ZNF483: variants seen among roughly 807,000 people sequenced by gnomAD.
The protein encoded by ZNF483 is zinc finger protein 483, also known as zinc finger protein HIT-10.
A neutral mutation model predicts 28.6 loss-of-function variants in ZNF483; 9 were observed. The ratio of observed to expected loss-of-function variants is 0.32; its 90% CI spans 0.19 to 0.55. The LOEUF (loss-of-function observed/expected upper bound fraction) is 0.55. Ranked by LOEUF, ZNF483 falls within the 20% of genes least tolerant of loss-of-function variation. The pLI, the probability that ZNF483 is intolerant of heterozygous loss-of-function variation, is 0.93. For synonymous variants in ZNF483, 322 were observed against 306.2 expected, an observed-to-expected ratio of 1.05 and a Z score of -0.54; for missense variants, 675 against 871.7, an observed-to-expected ratio of 0.77 and a Z score of 2.84.
At position 111,527,577 on chromosome 9, in the gene ZNF483, C is replaced by T; in HGVS notation, c.182C>T (p.Ser61Leu). 1 of 1,614,210 alleles carries T rather than the reference C, an allele frequency of 6.2e-7. No individual in the cohort carries two copies. Among genetic ancestry groups the T allele is most frequent in the African/African-American group, 1.3e-5 (1 of 75,058 alleles). Residue 61 changes from serine to leucine, a missense_variant, in exon 2 of 6, where the codon TCA (serine) becomes TTA (leucine). Physicochemically the swap from Ser to Leu is moderately radical, Grantham distance 145. Coordinates refer to ENST00000309235, the MANE Select transcript of ZNF483 (RefSeq NM_133464.5). Reference sequence around the variant, plus strand: ...CAGAGGTTTAGGTGGTTTTGTTACTCAGAAGTAGCTGGACCCAGGAAAGCT... The same window carrying T: ...CAGAGGTTTAGGTGGTTTTGTTACTTAGAAGTAGCTGGACCCAGGAAAGCT... ...FRQRFRWFCY[S>L]EVAGPRKALS...
chr9:111,527,864 A>G, intron 2 of ZNF483, 57 bp downstream of exon 2: 1 of 1,613,684 alleles, frequency 6.2e-7, no homozygotes. Flanking sequence ...GTCCGAAAGT[A>G]AATTCCTCAA....
At position 111,542,171 on chromosome 9, in the gene ZNF483, G is replaced by A; in HGVS notation, c.1236G>A (p.Met412Ile). ...RSTLSRRKTP[M>I]CEKCRKDSCQ... The stretch of plus-strand genomic sequence containing the variant: ...CTCTTTCTAGGAGAAAAACCCCTAT[G>A]TGTGAGAAATGTCGGAAAGATTCAT... The change falls in exon 6 of 6, where the codon ATG (methionine) becomes ATA (isoleucine). Residue 412 changes from methionine to isoleucine, a missense_variant. Physicochemically the swap from Met to Ile is conservative, Grantham distance 10. Coordinates refer to ENST00000309235, the MANE Select transcript of ZNF483 (RefSeq NM_133464.5). This position sits in a 1 kb window ranked among gnomAD's most constrained non-coding sequence, Gnocchi z 6.2. 3 of 1,614,052 alleles carry A rather than the reference G, an allele frequency of 1.9e-6. No individual in the cohort carries two copies. Among genetic ancestry groups the A allele is most frequent in the Non-Finnish European group, 2.5e-6 (3 of 1,180,020 alleles).
rs1470137176 is a variant in ZNF483 at position 111,533,743 on chromosome 9, C to T, written c.506C>T (p.Ser169Phe). Residue 169 changes from serine (S) to phenylalanine (F), a missense_variant, in exon 4 of 6, where the codon TCT (serine) becomes TTT (phenylalanine). This residue lies in a region of ZNF483 where 525 missense variants were observed against 581.8 expected (regional missense o/e 0.90). Transcript: ENST00000309235. ...AAGAGCTGTTTGGTGTTCTAGGAAT[C>T]TATAACATTGAAGGATGTAGCTGTG... ...TVCPNTESCE[S>F]ITLKDVAVNF... is the part of the protein sequence containing the mutation. The T allele has an allele frequency of 1.9e-6, 3 of 1,562,042 alleles. No homozygotes were observed. The highest frequency in any genetic ancestry group is 2.6e-6 in the Non-Finnish European group (3 of 1,164,330).
At chr9:111,541,187 T>C (rs1017678241) in intron 5 of ZNF483, among the ~76,000 whole-genome samples, 1 of 151,654 alleles carries the variant, frequency 6.6e-6, no homozygotes, top group African/African-American at 2.4e-5. Flanking sequence ...CCTCCTGGGT[T>C]CAAGTGATTC....
intron 5 of ZNF483, among the ~76,000 whole-genome samples, chr9:111,561,104 T>TAGAGAGAGAGAGAG (rs1465441902): frequency 7.2e-4 from 19 of 26,380 alleles, no homozygotes; most frequent in Non-Finnish European, 1.0e-3. Context: ...TATATATATA[T>TAGAGAGAGAGAGAG]ATATATAGAG....
At chr9:111,561,084 A>AATATATAT (rs368827456) in intron 5 of ZNF483, among the ~76,000 whole-genome samples, 21 of 20,346 alleles carry the variant, frequency 1.0e-3, no homozygotes, top group African/African-American at 1.2e-3. Context: ...CTCCATCTAA[A>AATATATAT]ATATATATAT....
intron 5 of ZNF483, chr9:111,563,277 CAAT>C: frequency 2.6e-6 from 4 of 1,542,848 alleles, no homozygotes; most frequent in Non-Finnish European, 3.5e-6. Context: ...TTAATATTCT[CAAT>C]GATATACTGT....
At chr9:111,566,271 A>T (rs1245459185) in intron 5 of ZNF483, among the ~76,000 whole-genome samples, 1 of 152,234 alleles carries the variant, frequency 6.6e-6, no homozygotes, top group Non-Finnish European at 1.5e-5. Flanking sequence ...TGTTAGAGGG[A>T]AGCACTGGGG....
At chr9:111,561,732 C>T (rs1828328977) in intron 5 of ZNF483, among the ~76,000 whole-genome samples, 1 of 152,182 alleles carries the variant, frequency 6.6e-6, no homozygotes, top group Non-Finnish European at 1.5e-5. Flanking sequence ...GGCCCTAAGA[C>T]CCCTATATGC....
chr9:111,542,080 A>C lies in ZNF483; in HGVS notation c.1145A>C (p.Lys382Thr), dbSNP rs755268739. ...SALTEHQKRQ[K>T]IHLGDRSQKC... is the part of the protein sequence containing the mutation. The stretch of plus-strand genomic sequence containing the variant: ...CTTACTGAACATCAGAAACGTCAGA[A>C]GATTCATTTGGGGGATAGGTCCCAA... The change falls in exon 6 of 6, where the codon AAG becomes ACG. Residue 382 changes from lysine (K) to threonine (T), a missense_variant. Around this residue, in one of 6 missense-constraint regions of ZNF483, gnomAD observed 525 missense variants for 581.8 expected, o/e 0.90. Coordinates refer to ENST00000309235, the MANE Select transcript of ZNF483 (RefSeq NM_133464.5). The surrounding 1 kb of genome is among the most constrained non-coding windows in gnomAD (Gnocchi z 6.2). 1 of 1,614,172 alleles carries C rather than the reference A, an allele frequency of 6.2e-7. No individual in the cohort carries two copies. The highest frequency in any genetic ancestry group is 2.2e-5 in the East Asian group (1 of 44,884).
intron 5 of ZNF483, chr9:111,563,770 T>G (rs560098589): frequency 6.5e-6 from 1 of 152,780 alleles, no homozygotes; most frequent in Non-Finnish European, 1.5e-5. Context: ...CCTCCCAAAG[T>G]GCTGGGATTA....
chr9:111,527,200 G>GA (rs1277312694), intron 1 of ZNF483, 68 bp from the exon 2 acceptor site: 5 of 516,716 alleles, frequency 9.7e-6, no homozygotes, highest in African/African-American at 9.5e-5. Flanking sequence ...ACCAAACCAA[G>GA]AACGATGTTT....
At chr9:111,570,222 G>T (rs1165625317) in intron 5 of ZNF483, 1 of 1,609,018 alleles carries the variant, frequency 6.2e-7, no homozygotes, top group African/African-American at 1.3e-5. Flanking sequence ...GTGAAGAGAA[G>T]GGCACATTTG....
intron 5 of ZNF483, among the ~76,000 whole-genome samples, chr9:111,569,510 G>A (rs1232925851): frequency 6.6e-6 from 1 of 152,180 alleles, no homozygotes; most frequent in Non-Finnish European, 1.5e-5. Context: ...AGGTGCGGTG[G>A]CTCACAACTG....
intron 5 of ZNF483, among the ~76,000 whole-genome samples, chr9:111,568,742 A>G (rs1554817312): frequency 1.3e-5 from 2 of 151,790 alleles, no homozygotes; most frequent in Non-Finnish European, 2.9e-5. Context: ...CTCTCTTTGT[A>G]CTCTTTCTCT....
At chr9:111,570,720 A>G (rs1828781618) in intron 5 of ZNF483, among the ~76,000 whole-genome samples, 1 of 152,052 alleles carries the variant, frequency 6.6e-6, no homozygotes, top group African/African-American at 2.4e-5. Flanking sequence ...TGGAGGTTGC[A>G]GTGAGCCAAG....
chr9:111,534,002 C>T, intron 4 of ZNF483, 137 bp downstream of exon 4: 1 of 1,119,544 alleles, frequency 8.9e-7, no homozygotes, highest in East Asian at 2.4e-5. Flanking sequence ...ATCCTAAAAA[C>T]TGGTTCTGAA....
At chr9:111,531,791 C>G (rs907691889) in intron 3 of ZNF483, among the ~76,000 whole-genome samples, 4 of 152,166 alleles carry the variant, frequency 2.6e-5, no homozygotes, top group African/African-American at 9.7e-5. Flanking sequence ...AAGCCATCCT[C>G]CCTCCTCAGC....
rs1827997971 is a variant in ZNF483, at chr9:111,552,466, C to T, written c.*9296C>T. 6.6e-6 allele frequency among the ~76,000 whole-genome samples: 1 copy of T among 152,166 alleles called. No individual in the cohort carries two copies. Among genetic ancestry groups the T allele is most frequent in the Admixed American group, 6.5e-5 (1 of 15,280 alleles). On this transcript the variant is annotated 3_prime_UTR_variant, in exon 6 of 6. Transcript: ENST00000309235. ...AGAGCAATGAGGGAAAAGTTATCCT[C>T]TTGCTTTAAAATTCCAACATGGATG...
Sources: allele counts gnomAD v4.1 joint callset (sites outside exome capture counted in the v4.1 genomes callset), GRCh38; gene constraint gnomAD v4.1.1; regional missense constraint gnomAD v4.1.1; non-coding constraint Gnocchi (gnomAD v3.1); transcripts MANE v1.5; gene names NCBI Gene and HGNC (gene_info 2026-07-23, HGNC 2026-07-21).